Variants in DSEL observed in about 807,000 individuals in gnomAD.
DSEL encodes the protein dermatan-sulfate epimerase-like protein.
In DSEL, 61 loss-of-function variants were observed where a neutral mutation model predicts 96.6. The observed-to-expected ratio is 0.63, with a 90% CI of 0.51 to 0.78. The LOEUF is 0.78. Ranked by LOEUF, DSEL falls within the 30% of genes least tolerant of loss-of-function variation. The pLI is 0.00. For synonymous variants in DSEL, 514 were observed against 502.0 expected, an observed-to-expected ratio of 1.02 and a Z score of -0.32; for missense variants, 1,320 against 1,430.8, an observed-to-expected ratio of 0.92 and a Z score of 1.25.
rs899316151 is a variant in DSEL at position 67,512,694 on chromosome 18, G to T, written c.1915C>A (p.His639Asn). Residue 639 changes from histidine to asparagine, a missense_variant, in exon 2 of 2, where the codon CAT becomes AAT. Physicochemically the swap from His to Asn is moderately conservative, Grantham distance 68. This residue lies in a region of DSEL where 986 missense variants were observed against 1,066.4 expected (regional missense o/e 0.92). Transcript: ENST00000310045. ...CTGGCCATGGGACTATTGCCATGAT[G>T]ATCAAACCAAAACATTTTGTAATGT... Reference protein sequence around the residue: ...DAHYKMFWFDHHGNSPMASIQ... With the variant: ...DAHYKMFWFDNHGNSPMASIQ... The T allele has an allele frequency of 4.5e-5, 73 of 1,614,132 alleles. No homozygotes were observed. Among genetic ancestry groups the T allele is most frequent in the Non-Finnish European group, 6.0e-5 (71 of 1,180,028 alleles).
In DSEL at chr18:67,512,310, G is replaced by A. The variant is rs750896094; in HGVS notation, c.2299C>T (p.Pro767Ser). 3.1e-6 allele frequency: 5 copies of A among 1,614,098 alleles called. No individual in the cohort carries two copies. Among genetic ancestry groups the A allele is most frequent in the East Asian group, 4.5e-5 (2 of 44,880 alleles). Reference protein sequence around the residue: ...KPVRHDRIIFPFGFKFNIAVG... With the variant: ...KPVRHDRIIFSFGFKFNIAVG... ...GCTATATTAAATTTAAATCCAAAGG[G>A]GAAAATAATCCTATCATGTCTTACA... Residue 767 changes from proline (P) to serine (S), a missense_variant, in exon 2 of 2, where the codon CCC becomes TCC. Physicochemically the swap from Pro to Ser is moderately conservative, Grantham distance 74. Around this residue, in one of 3 missense-constraint regions of DSEL, gnomAD observed 986 missense variants for 1,066.4 expected, o/e 0.92. Transcript: ENST00000310045.
chr18:67,509,933 C>G lies in DSEL; in HGVS notation c.*1037G>C, dbSNP rs1486580230. On this transcript the variant is annotated 3_prime_UTR_variant, in exon 2 of 2. Coordinates refer to ENST00000310045, the MANE Select transcript of DSEL (RefSeq NM_032160.3). Reference sequence around the variant, plus strand: ...TTTGCAGACACTGGCAGTCTGTAAACTCATTCAAAGGGATGCAAGATAAGT... The same window carrying G: ...TTTGCAGACACTGGCAGTCTGTAAAGTCATTCAAAGGGATGCAAGATAAGT... 2 of 152,668 alleles carry G rather than the reference C, an allele frequency of 1.3e-5. No homozygotes were observed. Among genetic ancestry groups the G allele is most frequent in the Non-Finnish European group, 2.9e-5 (2 of 68,044 alleles). The allele number at this position is 152,668 out of a possible 1,614,324, so 9.5% of individuals were successfully genotyped here.
rs774152956 is a variant in DSEL at position 67,513,450 on chromosome 18, T to C, written c.1159A>G (p.Thr387Ala). ...STAQRWSTLH[T>A]EYIWYDPQLT... ...TGGGGATCATACCAGATGTATTCAG[T>C]GTGAAGAGTACTCCACCTTTGGGCA... The change falls in exon 2 of 2, where the codon ACT becomes GCT. Residue 387 changes from threonine to alanine, a missense_variant. Physicochemically the swap from Thr to Ala is moderately conservative, Grantham distance 58. Transcript: ENST00000310045. The C allele has an allele frequency of 8.7e-6, 14 of 1,614,092 alleles. No homozygotes were observed. The highest frequency in any genetic ancestry group is 3.3e-4 in the Middle Eastern group (2 of 6,084).
rs1249657333 is a variant in DSEL at position 67,512,395 on chromosome 18, A to G, written c.2214T>C (p.Ser738=). Residue 738 remains serine (S), a synonymous_variant, in exon 2 of 2, where the codon AGT becomes AGC. Transcript: ENST00000310045. ...GGGTTATTTGGCCTTGATCAGCCAC[A>G]CTGGCAAAGCCACCGAATCCCAGAT... The part of the protein sequence containing the change: ...FNYLGFGGFA[S]VADQGQITRF... The G allele has an allele frequency of 1.2e-6, 2 of 1,614,214 alleles. No homozygotes were observed. The highest frequency in any genetic ancestry group is 1.7e-6 in the Non-Finnish European group (2 of 1,180,028).
In DSEL at chr18:67,514,039, A is replaced by G. The variant is rs2089460727; in HGVS notation, c.570T>C (p.Asn190=). ...AFDFLYNLLD[N]HRRQKYLEKI... is the part of the protein sequence containing the mutation. ...TTTCCAGGTATTTTTGTCTTCGATG[A>G]TTATCTAATAAGTTATATAAAAAGT... Residue 190 remains asparagine (N), a synonymous_variant, in exon 2 of 2, where the codon AAT becomes AAC. Transcript: ENST00000310045. The G allele has an allele frequency of 6.2e-7, 1 of 1,614,124 alleles. No homozygotes were observed. Among genetic ancestry groups the G allele is most frequent in the Non-Finnish European group, 8.5e-7 (1 of 1,179,996 alleles).
Position 67,511,110 on chromosome 18 carries a change from A to T in DSEL, c.3499T>A (p.Tyr1167Asn). The change falls in exon 2 of 2, where the codon TAC (tyrosine) becomes AAC (asparagine). Residue 1167 changes from tyrosine (Y) to asparagine (N), a missense_variant. By Grantham distance (143) the Tyr-to-Asn change is moderately radical. Transcript: ENST00000310045. ...GATATTTCCCCTTCATAGGGAAGGT[A>T]AAAAAGGTTTGTAGAGGTGGCAAAC... is the stretch of plus-strand genomic sequence containing the variant. The part of the protein sequence containing the change: ...ILFATSTNLF[Y>N]LPYEGEISPT... 5 of 1,614,066 alleles carry T rather than the reference A, an allele frequency of 3.1e-6. No homozygotes were observed. The highest frequency in any genetic ancestry group is 4.2e-6 in the Non-Finnish European group (5 of 1,179,950).
chr18:67,511,416 C>T lies in DSEL; in HGVS notation c.3193G>A (p.Glu1065Lys). ...AAGTTACATTTGCCTTTACCTCCCTCTATTTTAAACAATTTTGCTAAATGC... is the reference window on the plus strand; with the variant it reads ...AAGTTACATTTGCCTTTACCTCCCTTTATTTTAAACAATTTTGCTAAATGC... Reference protein sequence around the residue: ...PEHLAKLFKIEGGKGKCNLNS... With the variant: ...PEHLAKLFKIKGGKGKCNLNS... Residue 1065 changes from glutamate (E) to lysine (K), a missense_variant, in exon 2 of 2, where the codon GAG becomes AAG. This residue lies in a region of DSEL where 986 missense variants were observed against 1,066.4 expected (regional missense o/e 0.92). Transcript: ENST00000310045. 2 of 1,604,320 alleles carry T rather than the reference C, an allele frequency of 1.2e-6. No individual in the cohort carries two copies. Among genetic ancestry groups the T allele is most frequent in the South Asian group, 1.1e-5 (1 of 91,040 alleles).
At position 67,510,776 on chromosome 18, in the gene DSEL, T is replaced by A. The variant is rs988364488; in HGVS notation, c.*194A>T. On this transcript the variant is annotated 3_prime_UTR_variant, in exon 2 of 2. Coordinates refer to ENST00000310045, the MANE Select transcript of DSEL (RefSeq NM_032160.3). The stretch of plus-strand genomic sequence containing the variant: ...TCAGAAACAAAGGCAAGGGAGGTGA[T>A]GACATAAAAATAAATCCTGCTAGGC... 1.9e-5 allele frequency: 9 copies of A among 486,466 alleles called. 1 individual carries two copies. The highest frequency in any genetic ancestry group is 1.4e-4 in the African/African-American group (7 of 50,114). The allele number at this position is 486,466 out of a possible 1,614,324, so 30.1% of individuals were successfully genotyped here. A position where few individuals can be genotyped will look rare whatever the true frequency, so the allele number is the denominator to read the frequency against.
rs756403309 is a variant in DSEL at position 67,514,332 on chromosome 18, C to A, written c.277G>T (p.Ala93Ser). ...GGGTTGGACAGCATAACTGTCACTG[C>A]ACTTCTGATAGCTCTAAAAAGATGC... ...HLHLFRAIRS[A>S]VTVMLSNPTY... is the part of the protein sequence containing the mutation. Residue 93 changes from alanine (A) to serine (S), a missense_variant, in exon 2 of 2, where the codon GCA becomes TCA. Transcript: ENST00000310045. 1 of 1,614,228 alleles carries A rather than the reference C, an allele frequency of 6.2e-7. No homozygotes were observed. The highest frequency in any genetic ancestry group is 8.5e-7 in the Non-Finnish European group (1 of 1,180,034).
In DSEL at chr18:67,511,536, T is replaced by C; in HGVS notation, c.3073A>G (p.Arg1025Gly). 1 of 1,613,466 alleles carries C rather than the reference T, an allele frequency of 6.2e-7. No homozygotes were observed. The highest frequency in any genetic ancestry group is 8.5e-7 in the Non-Finnish European group (1 of 1,179,916). ...FFQEVLGASM[R>G]ALYIVRDPRA... is the part of the protein sequence containing the mutation. ...GGGTCTCTTACTATGTACAATGCCC[T>C]CATCGAAGCTCCTAAAACTTCCTGA... is the stretch of plus-strand genomic sequence containing the variant. Residue 1025 changes from arginine (R) to glycine (G), a missense_variant, in exon 2 of 2, where the codon AGG becomes GGG. By Grantham distance (125) the Arg-to-Gly change is moderately radical. Around this residue, in one of 3 missense-constraint regions of DSEL, gnomAD observed 986 missense variants for 1,066.4 expected, o/e 0.92. Coordinates refer to ENST00000310045, the MANE Select transcript of DSEL (RefSeq NM_032160.3).
At position 67,512,040 on chromosome 18, in the gene DSEL, T is replaced by C. The variant is rs757726198; in HGVS notation, c.2569A>G (p.Ile857Val). 1.2e-6 allele frequency: 2 copies of C among 1,614,084 alleles called. No individual in the cohort carries two copies. The highest frequency in any genetic ancestry group is 1.1e-5 in the South Asian group (1 of 91,088). The change falls in exon 2 of 2, where the codon ATT becomes GTT. Residue 857 changes from isoleucine (I) to valine (V), a missense_variant. Around this residue, in one of 3 missense-constraint regions of DSEL, gnomAD observed 986 missense variants for 1,066.4 expected, o/e 0.92. Transcript: ENST00000310045. ...GCTCCTGAACCAGGAAGTGAGGTAATGACAACATCAGGAAGATCCATGTGG... is the reference window on the plus strand; with the variant it reads ...GCTCCTGAACCAGGAAGTGAGGTAACGACAACATCAGGAAGATCCATGTGG... ...GHHMDLPDVVITSLPGSGAEI... is the reference protein window; with the variant it reads ...GHHMDLPDVVVTSLPGSGAEI...
In DSEL at chr18:67,512,020, T is replaced by A; in HGVS notation, c.2589A>T (p.Ser863=). The change falls in exon 2 of 2, where the codon TCA becomes TCT. Residue 863 remains serine (S), a synonymous_variant. Transcript: ENST00000310045. ...AAAGTTGTTTGAGAATTTCAGCTCCTGAACCAGGAAGTGAGGTAATGACAA... is the reference window on the plus strand; with the variant it reads ...AAAGTTGTTTGAGAATTTCAGCTCCAGAACCAGGAAGTGAGGTAATGACAA... The part of the protein sequence containing the change: ...PDVVITSLPG[S]GAEILKQLFF... 1 of 1,614,120 alleles carries A rather than the reference T, an allele frequency of 6.2e-7. No individual in the cohort carries two copies. The highest frequency in any genetic ancestry group is 8.5e-7 in the Non-Finnish European group (1 of 1,180,018).
chr18:67,512,461 A>G lies in DSEL; in HGVS notation c.2148T>C (p.Ser716=), dbSNP rs1224461725. The G allele has an allele frequency of 6.2e-7, 1 of 1,614,092 alleles. No individual in the cohort carries two copies. The highest frequency in any genetic ancestry group is 2.2e-5 in the East Asian group (1 of 44,894). The change falls in exon 2 of 2, where the codon TCT becomes TCC. Residue 716 remains serine, a synonymous_variant. Coordinates refer to ENST00000310045, the MANE Select transcript of DSEL (RefSeq NM_032160.3). ...TCAGGTTATGGTAATCAGTTACAAT[A>G]GAAACAACATGTTCAGTATTATTGA... is the stretch of plus-strand genomic sequence containing the variant. The part of the protein sequence containing the change: ...LNVNNTEHVV[S]IVTDYHNLKT...
At position 67,510,609 on chromosome 18, in the gene DSEL, T is replaced by C. The variant is rs1413277742; in HGVS notation, c.*361A>G. ...GCAGCAATTGCAAGGCCTTTAGCAG[T>C]GTTTGAGGTCTCTAGATAGATTAGC... On this transcript the variant is annotated 3_prime_UTR_variant, in exon 2 of 2. Coordinates refer to ENST00000310045, the MANE Select transcript of DSEL (RefSeq NM_032160.3). 1 of 201,840 alleles carries C rather than the reference T, an allele frequency of 5.0e-6. No individual in the cohort carries two copies. Among genetic ancestry groups the C allele is most frequent in the East Asian group, 1.2e-4 (1 of 8,360 alleles). The allele number at this position is 201,840 out of a possible 1,614,324, so 12.5% of individuals were successfully genotyped here. A position where few individuals can be genotyped will look rare whatever the true frequency, so the allele number is the denominator to read the frequency against.
Position 67,512,569 on chromosome 18 carries a change from A to G in DSEL, c.2040T>C (p.Tyr680=), listed in dbSNP as rs140025057. ...CATTGATATATGGCCCATAAAAGACATATGCAATTCTTGTGATTGTGGGTT... is the reference window on the plus strand; with the variant it reads ...CATTGATATATGGCCCATAAAAGACGTATGCAATTCTTGTGATTGTGGGTT... ...QMEPTITRIA[Y]VFYGPYINVS... The change falls in exon 2 of 2, where the codon TAT becomes TAC. Residue 680 remains tyrosine, a synonymous_variant. Coordinates refer to ENST00000310045, the MANE Select transcript of DSEL (RefSeq NM_032160.3). The G allele has an allele frequency of 9.9e-6, 16 of 1,614,194 alleles. No homozygotes were observed. In the African/African-American group the frequency reaches 1.7e-4, roughly 17 times the overall value.
At position 67,513,628 on chromosome 18, in the gene DSEL, C is replaced by A. The variant is rs146535121; in HGVS notation, c.981G>T (p.Val327=). The A allele has an allele frequency of 6.2e-7, 1 of 1,614,194 alleles. No individual in the cohort carries two copies. Among genetic ancestry groups the A allele is most frequent in the African/African-American group, 1.3e-5 (1 of 75,060 alleles). Residue 327 remains valine (V), a synonymous_variant, in exon 2 of 2, where the codon GTG becomes GTT. Transcript: ENST00000310045. ...ATLLPGFQRT[V]GIADSNYNWF... is the part of the protein sequence containing the mutation. Reference sequence around the variant, plus strand: ...AATTATAATTGGAATCTGCTATACCCACAGTTCTTTGGAAGCCAGGTAAAA... The same window carrying A: ...AATTATAATTGGAATCTGCTATACCAACAGTTCTTTGGAAGCCAGGTAAAA...
chr18:67,514,502 G>A lies in DSEL; in HGVS notation c.107C>T (p.Thr36Ile), dbSNP rs1379834042. ...VSNYSEWAVF[T>I]DDIDQFKTQK... ...TGTTTTAAACTGATCTATATCATCTGTGAAAACTGCCCATTCGGAATAATT... is the reference window on the plus strand; with the variant it reads ...TGTTTTAAACTGATCTATATCATCTATGAAAACTGCCCATTCGGAATAATT... The change falls in exon 2 of 2, where the codon ACA (threonine) becomes ATA (isoleucine). Residue 36 changes from threonine (T) to isoleucine (I), a missense_variant. Around this residue, in one of 3 missense-constraint regions of DSEL, gnomAD observed 323 missense variants for 333.1 expected, o/e 0.97. Transcript: ENST00000310045. 6.2e-7 allele frequency: 1 copy of A among 1,614,146 alleles called. No individual in the cohort carries two copies. The highest frequency in any genetic ancestry group is 2.2e-5 in the East Asian group (1 of 44,882).
At position 67,512,689 on chromosome 18, in the gene DSEL, A is replaced by G. The variant is rs1038529894; in HGVS notation, c.1920T>C (p.His640=). 1.9e-6 allele frequency: 3 copies of G among 1,614,208 alleles called. No homozygotes were observed. The highest frequency in any genetic ancestry group is 2.5e-6 in the Non-Finnish European group (3 of 1,180,044). Residue 640 remains histidine, a synonymous_variant, in exon 2 of 2, where the codon CAT becomes CAC. Transcript: ENST00000310045. ...AHYKMFWFDH[H]GNSPMASIQE... is the part of the protein sequence containing the mutation. ...GTATACTGGCCATGGGACTATTGCC[A>G]TGATGATCAAACCAAAACATTTTGT...
chr18:67,516,097 G>A lies in DSEL; in HGVS notation c.-885+264C>T, dbSNP rs2089474986. ...GTGGCCGAGTCCCTGTCCTCAGGTG[G>A]AGCCGCCAGAGGGAGCTCGGACCCC... is the stretch of plus-strand genomic sequence containing the variant. On this transcript the variant is annotated intron_variant, in intron 1 of 1. Transcript: ENST00000310045. This position sits in a 1 kb window ranked among gnomAD's most constrained non-coding sequence, Gnocchi z 5.6. Among the ~76,000 whole-genome samples, 1 of 152,070 alleles carries A rather than the reference G, an allele frequency of 6.6e-6. No homozygotes were observed. The highest frequency in any genetic ancestry group is 1.5e-5 in the Non-Finnish European group (1 of 68,002).
Sources: allele counts gnomAD v4.1 joint callset (sites outside exome capture counted in the v4.1 genomes callset), GRCh38; gene constraint gnomAD v4.1.1; regional missense constraint gnomAD v4.1.1; non-coding constraint Gnocchi (gnomAD v3.1); transcripts MANE v1.5; gene names NCBI Gene and HGNC (gene_info 2026-07-23, HGNC 2026-07-21).